Variants in MGRN1 observed in about 807,000 individuals in gnomAD.
The protein encoded by MGRN1 is E3 ubiquitin-protein ligase MGRN1.
In MGRN1, 29 loss-of-function variants were observed where a neutral mutation model predicts 69.2. The observed-to-expected ratio is 0.42, with a 90% CI of 0.31 to 0.57. MGRN1 has a LOEUF of 0.57. Among genes scored for constraint, MGRN1 ranks in the 20% least tolerant of loss-of-function variants. MGRN1 has a pLI of 0.15. For missense variants in MGRN1, 998 were observed against 796.2 expected, an observed-to-expected ratio of 1.25 and a Z score of -3.05; for synonymous variants, 470 against 344.2, an observed-to-expected ratio of 1.37 and a Z score of -4.04.
chr16:4,681,366 G>A (rs562325622), intron 12 of MGRN1, 184 bp from the exon 13 acceptor site: 53 of 602,376 alleles, frequency 8.8e-5, no homozygotes, highest in Non-Finnish European at 1.3e-4. Flanking sequence ...ATCCAGCCCC[G>A]TGCTGGAGCT....
At chr16:4,680,124 T>C (rs1483289382) in intron 12 of MGRN1, 27 bp downstream of exon 12, 3 of 1,610,522 alleles carry the variant, frequency 1.9e-6, no homozygotes, top group Non-Finnish European at 1.7e-6. Context: ...CCGGCTACGT[T>C]TTTTTGCCCC....
At chr16:4,688,501 C>G in intron 16 of MGRN1, 1 of 1,191,436 alleles carries the variant, frequency 8.4e-7, no homozygotes. Context: ...GCAGGAGGCC[C>G]AGAGGGCATC....
intron 8 of MGRN1, among the ~76,000 whole-genome samples, chr16:4,670,350 C>T (rs2078911908): frequency 6.6e-6 from 1 of 152,196 alleles, no homozygotes; most frequent in South Asian, 2.1e-4. Context: ...TCAAGTGATT[C>T]TTCTGCCTCA....
chr16:4,680,066 C>T lies in MGRN1; in HGVS notation c.1100C>T (p.Ser367Phe). The change falls in exon 12 of 17, where the codon TCC becomes TTC. Residue 367 changes from serine (S) to phenylalanine (F), a missense_variant. By Grantham distance (155) the Ser-to-Phe change is radical (BLOSUM62 -2). Coordinates refer to ENST00000262370, the MANE Select transcript of MGRN1 (RefSeq NM_015246.4). ...AAAAAATCAAAGCCGCACCCCGCCT[C>T]CCTGGCCAGCAAGAAACCTAAAAGG... ...PFKKSKPHPA[S>F]LASKKPKRET... 3 of 1,614,108 alleles carry T rather than the reference C, an allele frequency of 1.9e-6. No individual in the cohort carries two copies. The highest frequency in any genetic ancestry group is 2.5e-6 in the Non-Finnish European group (3 of 1,179,952).
intron 16 of MGRN1, among the ~76,000 whole-genome samples, chr16:4,685,609 A>G (rs977548219): frequency 5.9e-5 from 9 of 152,258 alleles, no homozygotes; most frequent in Non-Finnish European, 1.0e-4. Flanking sequence ...CACGGAGAGC[A>G]CATGTGCCTT....
chr16:4,632,645 C>T (rs545943427), intron 1 of MGRN1, among the ~76,000 whole-genome samples: 12 of 152,236 alleles, frequency 7.9e-5, no homozygotes, highest in African/African-American at 2.4e-4. Context: ...CCGCCCGTCT[C>T]GGCCTCCCAA....
rs533921495 is a variant in MGRN1 at position 4,688,947 on chromosome 16, C to G, written c.*39C>G. On this transcript the variant is annotated 3_prime_UTR_variant, in exon 17 of 17. Coordinates refer to ENST00000262370, the MANE Select transcript of MGRN1 (RefSeq NM_015246.4). ...CTGGCAGCATGGAGCCCTCGGCTCC[C>G]CAGACTTTGCCGAGGGGCTGCTCCG... 6.0e-6 allele frequency: 9 copies of G among 1,510,564 alleles called. No individual in the cohort carries two copies. The highest frequency in any genetic ancestry group is 8.0e-6 in the Non-Finnish European group (9 of 1,121,304). 93.6% of individuals were successfully genotyped at this position (1,510,564 alleles called of 1,614,324 possible).
chr16:4,664,672 T>C (rs1356293129), intron 5 of MGRN1, 37 bp from the exon 6 acceptor site: 1 of 1,611,016 alleles, frequency 6.2e-7, no homozygotes, highest in Admixed American at 1.7e-5. Flanking sequence ...GGCTTGGCTG[T>C]GTGGGTCCTG....
In MGRN1 at chr16:4,664,783, C is replaced by T. The variant is rs765705362; in HGVS notation, c.628+8C>T. 22 of 1,613,872 alleles carry T rather than the reference C, an allele frequency of 1.4e-5. No homozygotes were observed. Among genetic ancestry groups the T allele is most frequent in the East Asian group, 6.7e-5 (3 of 44,890 alleles). The stretch of plus-strand genomic sequence containing the variant: ...TGGTGGACGAAGGAGATGGTGAGTG[C>T]GTCCTCTTCCGTCCTCCTGGGCGTG... On this transcript the variant is annotated splice_region_variant and intron_variant, in intron 6 of 16. Transcript: ENST00000262370.
At chr16:4,633,130 G>A (rs1898093294) in intron 1 of MGRN1, among the ~76,000 whole-genome samples, 1 of 152,062 alleles carries the variant, frequency 6.6e-6, no homozygotes, top group Non-Finnish European at 1.5e-5. Context: ...GCTCACACCT[G>A]TAATCCTAGT....
rs1032668215 is a variant in MGRN1 at position 4,689,369 on chromosome 16, G to C, written c.*461G>C. The C allele has an allele frequency of 6.4e-6, 1 of 156,092 alleles. No individual in the cohort carries two copies. Among genetic ancestry groups the C allele is most frequent in the African/African-American group, 2.4e-5 (1 of 41,638 alleles). 9.7% of individuals were successfully genotyped at this position (156,092 alleles called of 1,614,324 possible). Reference sequence around the variant, plus strand: ...CCAGGCACGGTCAATGAAGGAAACAGTGCCTGTCCACCCACCCTGCGTGTC... The same window carrying C: ...CCAGGCACGGTCAATGAAGGAAACACTGCCTGTCCACCCACCCTGCGTGTC... On this transcript the variant is annotated 3_prime_UTR_variant, in exon 17 of 17. Coordinates refer to ENST00000262370, the MANE Select transcript of MGRN1 (RefSeq NM_015246.4).
chr16:4,654,427 A>G (rs1236257484), intron 4 of MGRN1, among the ~76,000 whole-genome samples: 1 of 152,218 alleles, frequency 6.6e-6, no homozygotes, highest in Non-Finnish European at 1.5e-5. Context: ...CTGGCCCTGA[A>G]AGTTTGAAAA....
chr16:4,625,996 G>C (rs905344594), intron 1 of MGRN1, among the ~76,000 whole-genome samples: 31 of 152,228 alleles, frequency 2.0e-4, no homozygotes, highest in African/African-American at 7.5e-4. Flanking sequence ...GTGTGGGCCA[G>C]GTCCACAAGT....
chr16:4,639,052 C>T (rs2078100232), intron 1 of MGRN1, among the ~76,000 whole-genome samples: 1 of 152,190 alleles, frequency 6.6e-6, no homozygotes, highest in Admixed American at 6.5e-5. Context: ...GAGCAGGTCA[C>T]TCAGCCTCAC....
At chr16:4,672,469 C>T (rs749159515) in intron 9 of MGRN1, 50 of 456,626 alleles carry the variant, frequency 1.1e-4, no homozygotes, top group Middle Eastern at 3.2e-4. Flanking sequence ...AGCAGCTCCA[C>T]GTGGCGGGAG....
rs2141971852 is a variant in MGRN1, at chr16:4,680,084, C to G, written c.1118C>G (p.Pro373Arg). The G allele has an allele frequency of 3.7e-6, 6 of 1,614,040 alleles. No homozygotes were observed. Among genetic ancestry groups the G allele is most frequent in the Non-Finnish European group, 5.1e-6 (6 of 1,179,942 alleles). Residue 373 changes from proline to arginine, a missense_variant, in exon 12 of 17, where the codon CCT (proline) becomes CGT (arginine). Physicochemically the swap from Pro to Arg is moderately radical, Grantham distance 103 (BLOSUM62 -2). Coordinates refer to ENST00000262370, the MANE Select transcript of MGRN1 (RefSeq NM_015246.4). ...PHPASLASKK[P>R]KRETNSDSVP... ...CCCGCCTCCCTGGCCAGCAAGAAAC[C>G]TAAAAGGGAAACAGTAAGTGTCTGG...
intron 16 of MGRN1, chr16:4,687,687 G>C: frequency 2.0e-6 from 2 of 985,432 alleles, no homozygotes; most frequent in Non-Finnish European, 2.4e-6. Context: ...CCTTCCCAGA[G>C]GGTCTTGGCA....
chr16:4,653,696 G>A lies in MGRN1; in HGVS notation c.443+872G>A, dbSNP rs1189119560. Among the ~76,000 whole-genome samples the A allele has an allele frequency of 2.0e-5, 3 of 151,700 alleles. No individual in the cohort carries two copies. The East Asian group carries it at 5.8e-4, about 29-fold the overall frequency. On this transcript the variant is annotated intron_variant, in intron 4 of 16. Coordinates refer to ENST00000262370, the MANE Select transcript of MGRN1 (RefSeq NM_015246.4). ...TAGAGATGGGGGTTTCGCCATGTTG[G>A]CCAGGATGGTCTCAATCTCTTGACC...
chr16:4,639,738 T>G (rs1303235212), intron 1 of MGRN1: 4 of 152,166 alleles, frequency 2.6e-5, no homozygotes, highest in Non-Finnish European at 4.4e-5. Flanking sequence ...GTACCAGGGT[T>G]GGTGGGTTTG....
Sources: allele counts gnomAD v4.1 joint callset (sites outside exome capture counted in the v4.1 genomes callset), GRCh38; gene constraint gnomAD v4.1.1; transcripts MANE v1.5; gene names NCBI Gene and HGNC (gene_info 2026-07-23, HGNC 2026-07-21).